Variants in ZFHX4 observed in about 807,000 individuals in gnomAD.
ZFHX4 encodes zinc finger homeobox protein 4.
ZFHX4 carries 56 observed loss-of-function variants against 267.6 expected under a neutral mutation model. The observed-to-expected ratio is 0.21, with a 90% CI of 0.17 to 0.26. ZFHX4 has a LOEUF of 0.26. Among genes scored for constraint, ZFHX4 ranks in the 10% least tolerant of loss-of-function variants. The pLI is 1.00. For missense variants in ZFHX4, 4,332 were observed against 4,420.0 expected, an observed-to-expected ratio of 0.98 and a Z score of 0.56; for synonymous variants, 1,778 against 1,665.6, an observed-to-expected ratio of 1.07 and a Z score of -1.64.
At chr8:76,856,758 C>G (rs1373440507) in intron 10 of ZFHX4, among the ~76,000 whole-genome samples, 1 of 152,076 alleles carries the variant, frequency 6.6e-6, no homozygotes, top group African/African-American at 2.4e-5. Flanking sequence ...CCCGCCGCCA[C>G]CCTGTGACAC....
Position 76,864,255 on chromosome 8 carries a change from C to G in ZFHX4, c.10541C>G (p.Thr3514Ser), listed in dbSNP as rs138516754. ...CAGTCTGCAGCTTCTTCTAATAACACCTATCCTCATCTTTCTTGCTTCTCC... is the reference window on the plus strand; with the variant it reads ...CAGTCTGCAGCTTCTTCTAATAACAGCTATCCTCATCTTTCTTGCTTCTCC... ...TSQSAASSNNTYPHLSCFSMK... is the reference protein window; with the variant it reads ...TSQSAASSNNSYPHLSCFSMK... Residue 3514 changes from threonine (T) to serine (S), a missense_variant, in exon 11 of 11, where the codon ACC (threonine) becomes AGC (serine). This residue lies in a region of ZFHX4 where 1,648 missense variants were observed against 1,625.0 expected (regional missense o/e 1.01). Transcript: ENST00000651372. 195 of 1,613,926 alleles carry G rather than the reference C, an allele frequency of 1.2e-4. 1 individual carries two copies. The African/African-American group carries it at 2.3e-3, about 19-fold the overall frequency.
chr8:76,723,867 C>T (rs562299510), intron 3 of ZFHX4, among the ~76,000 whole-genome samples: 28 of 152,044 alleles, frequency 1.8e-4, no homozygotes, highest in African/African-American at 5.1e-4. Context: ...GGGAAAGTGA[C>T]GAGTTTGAAT....
chr8:76,782,439 G>A (rs532424148), intron 4 of ZFHX4, among the ~76,000 whole-genome samples: 2 of 152,082 alleles, frequency 1.3e-5, no homozygotes, highest in East Asian at 1.9e-4. Flanking sequence ...TTTAAAGATA[G>A]CAATGCAGTA....
intron 3 of ZFHX4, among the ~76,000 whole-genome samples, chr8:76,761,812 G>T (rs1412789460): frequency 6.6e-6 from 1 of 152,114 alleles, no homozygotes; most frequent in South Asian, 2.1e-4. Context: ...CTGCTTTCTG[G>T]CCTGATGTTT....
intron 3 of ZFHX4, among the ~76,000 whole-genome samples, chr8:76,760,994 T>C (rs1476903769): frequency 6.6e-6 from 1 of 150,656 alleles, no homozygotes; most frequent in South Asian, 2.1e-4. Context: ...AGCCAGTTAG[T>C]TACTAAACAC....
Position 76,850,924 on chromosome 8 carries a change from G to C in ZFHX4, c.4003G>C (p.Glu1335Gln). 1 of 1,612,114 alleles carries C rather than the reference G, an allele frequency of 6.2e-7. No individual in the cohort carries two copies. Among genetic ancestry groups the C allele is most frequent in the Non-Finnish European group, 8.5e-7 (1 of 1,179,042 alleles). ...PMDDKSMAGL[E>Q]DSKANVEVKN... The stretch of plus-strand genomic sequence containing the variant: ...GGATGACAAAAGCATGGCAGGTCTC[G>C]AGGATTCAAAGGCTAATGTGGAAGT... The change falls in exon 10 of 11, where the codon GAG (glutamate) becomes CAG (glutamine). Residue 1335 changes from glutamate to glutamine, a missense_variant. This residue lies in a region of ZFHX4 where 1,371 missense variants were observed against 1,423.1 expected (regional missense o/e 0.96). Coordinates refer to ENST00000651372, the MANE Select transcript of ZFHX4 (RefSeq NM_024721.5).
At chr8:76,832,167 T>C (rs1029046003) in intron 4 of ZFHX4, among the ~76,000 whole-genome samples, 1 of 152,178 alleles carries the variant, frequency 6.6e-6, no homozygotes, top group African/African-American at 2.4e-5. Context: ...AATTAAAGCC[T>C]TCAGAATCAA....
At chr8:76,848,859 T>C (rs1221777365) in intron 6 of ZFHX4, 136 bp from the exon 7 acceptor site, 10 of 775,456 alleles carry the variant, frequency 1.3e-5, no homozygotes, top group Non-Finnish European at 1.9e-5. Flanking sequence ...CTTTTGAGAT[T>C]AGCATTATTT....
chr8:76,699,605 T>A (rs1808049340), intron 1 of ZFHX4, among the ~76,000 whole-genome samples: 1 of 152,096 alleles, frequency 6.6e-6, no homozygotes, highest in African/African-American at 2.4e-5. Flanking sequence ...CCTCTTCTCT[T>A]GGTTAGCACA....
intron 3 of ZFHX4, among the ~76,000 whole-genome samples, chr8:76,716,346 A>G (rs1265840200): frequency 3.3e-5 from 5 of 152,194 alleles, no homozygotes; most frequent in Admixed American, 2.6e-4. Flanking sequence ...TTTGGAGAGA[A>G]CATACTTACA....
intron 10 of ZFHX4, among the ~76,000 whole-genome samples, chr8:76,859,031 C>T (rs556600469): frequency 6.6e-5 from 10 of 152,280 alleles, no homozygotes; most frequent in Admixed American, 1.3e-4. Flanking sequence ...TCAAAGGCTA[C>T]GCCCCAAAAT....
intron 3 of ZFHX4, among the ~76,000 whole-genome samples, chr8:76,713,800 T>C (rs1808493771): frequency 6.6e-6 from 1 of 152,128 alleles, no homozygotes; most frequent in African/African-American, 2.4e-5. Context: ...GAATTTCTAA[T>C]GTTTGTGTGG....
chr8:76,697,086 C>T (rs983390921), intron 1 of ZFHX4, among the ~76,000 whole-genome samples: 13 of 151,826 alleles, frequency 8.6e-5, no homozygotes, highest in African/African-American at 1.2e-4. Context: ...TATGTACCTA[C>T]GCTATTATAC....
intron 3 of ZFHX4, among the ~76,000 whole-genome samples, chr8:76,754,497 A>G (rs983818734): frequency 8.7e-5 from 7 of 80,198 alleles, no homozygotes; most frequent in Non-Finnish European, 1.3e-4. Flanking sequence ...TCAAAAAAAC[A>G]AAACAAAAAA....
At chr8:76,820,365 C>T (rs1195196567) in intron 4 of ZFHX4, among the ~76,000 whole-genome samples, 1 of 152,114 alleles carries the variant, frequency 6.6e-6, no homozygotes, top group Non-Finnish European at 1.5e-5. Flanking sequence ...TCCCCTACTA[C>T]TTGCTGTTAT....
chr8:76,823,749 T>A (rs1206145610), intron 4 of ZFHX4, among the ~76,000 whole-genome samples: 1 of 152,230 alleles, frequency 6.6e-6, no homozygotes, highest in Non-Finnish European at 1.5e-5. Flanking sequence ...ACAATTATCA[T>A]GTTGGTAAAA....
chr8:76,738,599 T>TTTCCTTCCTTCCTTCCTTCC (rs1181956560), intron 3 of ZFHX4, among the ~76,000 whole-genome samples: 4 of 130,104 alleles, frequency 3.1e-5, no homozygotes, highest in Non-Finnish European at 3.2e-5. Flanking sequence ...TTTCTTTCTT[T>TTTCCTTCCTTCCTTCCTTCC]TTCCTTCCTT....
chr8:76,790,234 A>C (rs563525234), intron 4 of ZFHX4, among the ~76,000 whole-genome samples: 5 of 152,248 alleles, frequency 3.3e-5, no homozygotes, highest in Non-Finnish European at 5.9e-5. Flanking sequence ...TAGGCACTGG[A>C]ATATACTTTA....
At chr8:76,683,835 G>GTT (rs1171925210) in intron 1 of ZFHX4, 1 of 151,886 alleles carries the variant, frequency 6.6e-6, no homozygotes, top group African/African-American at 2.4e-5. Flanking sequence ...GAGAGGCTGC[G>GTT]GCTGCCGCTG....
Sources: gnomAD v4.1 joint callset for allele counts (sites outside exome capture counted in the v4.1 genomes callset) on GRCh38, gnomAD v4.1.1 for gene constraint, gnomAD v4.1.1 regional missense constraint, MANE v1.5 for transcripts, NCBI Gene and HGNC (gene_info 2026-07-23, HGNC 2026-07-21) for gene names.